ZMYM1: variants seen among roughly 807,000 people sequenced by gnomAD.
ZMYM1 encodes the protein zinc finger MYM-type protein 1.
Under a neutral mutation model 60.0 loss-of-function variants are expected in ZMYM1, and 39 were observed. The ratio of observed to expected loss-of-function variants is 0.65; its 90% CI spans 0.50 to 0.85. The LOEUF is 0.85. Ranked by LOEUF, ZMYM1 falls within the 40% of genes least tolerant of loss-of-function variation. The pLI, the probability that ZMYM1 is intolerant of heterozygous loss-of-function variation, is 0.00. For missense variants in ZMYM1, 1,171 were observed against 1,309.5 expected (o/e 0.89, Z 1.63); for synonymous variants, 413 against 454.0 (o/e 0.91, Z 1.15).
chr1:35,096,080 C>A (rs554644343), intron 3 of ZMYM1, among the ~76,000 whole-genome samples, 189 bp downstream of exon 3: 1 of 151,860 alleles, frequency 6.6e-6, no homozygotes, highest in Non-Finnish European at 1.5e-5. Flanking sequence ...TTTGGGAGGC[C>A]GAGGCAGGCG....
At chr1:35,073,912 C>CAGCCTCCCAAGT (rs1642119621) in intron 1 of ZMYM1, among the ~76,000 whole-genome samples, 1 of 152,092 alleles carries the variant, frequency 6.6e-6, no homozygotes, top group Admixed American at 6.6e-5. Flanking sequence ...TCTTCTGCCT[C>CAGCCTCCCAAGT]AGCTGGGATT....
intron 1 of ZMYM1, chr1:35,093,234 G>C (rs1484690627): frequency 6.6e-6 from 1 of 152,494 alleles, no homozygotes; most frequent in African/African-American, 2.4e-5. Context: ...TAACTGGAGG[G>C]CAGAGAGGGG....
chr1:35,095,752 G>T, intron 2 of ZMYM1, 67 bp from the exon 3 acceptor site: 1 of 1,301,808 alleles, frequency 7.7e-7, no homozygotes, highest in South Asian at 1.4e-5. Context: ...ATTTTCTGTT[G>T]AATGACTGGT....
At chr1:35,116,600 G>A (rs911846486), downstream of ZMYM1, among the ~76,000 whole-genome samples, 2 of 152,080 alleles carry the variant, frequency 1.3e-5, no homozygotes, top group African/African-American at 4.8e-5. Flanking sequence ...TGGGATGACA[G>A]GCGCACGCCA....
intron 1 of ZMYM1, among the ~76,000 whole-genome samples, chr1:35,071,058 A>T (rs72905034): frequency 0.14 from 21,055 of 151,546 alleles, 4,712 homozygotes; most frequent in African/African-American, 0.47. Context: ...CAATTTTTTT[A>T]ATATTTTTAG....
At chr1:35,081,801 T>G (rs1020272831) in intron 1 of ZMYM1, among the ~76,000 whole-genome samples, 1 of 152,150 alleles carries the variant, frequency 6.6e-6, no homozygotes, top group African/African-American at 2.4e-5. Context: ...GTTCAAGTGA[T>G]TCTCCTGTTT....
Position 35,097,481 on chromosome 1 carries a change from T to C in ZMYM1, c.334T>C (p.Phe112Leu). 2 of 1,614,198 alleles carry C rather than the reference T, an allele frequency of 1.2e-6. No homozygotes were observed. Among genetic ancestry groups the C allele is most frequent in the African/African-American group, 1.3e-5 (1 of 75,054 alleles). The change falls in exon 4 of 10, where the codon TTC becomes CTC. Residue 112 changes from phenylalanine (F) to leucine (L), a missense_variant. By Grantham distance (22) the Phe-to-Leu change is conservative. Transcript: ENST00000359858. ...AYQRKGSAQL[F>L]CSIPCITEYI... is the part of the protein sequence containing the mutation. Reference sequence around the variant, plus strand: ...TCAGAGGAAAGGATCTGCTCAACTTTTCTGCTCCATACCATGCATCACTGA... The same window carrying C: ...TCAGAGGAAAGGATCTGCTCAACTTCTCTGCTCCATACCATGCATCACTGA...
At chr1:35,076,632 A>G (rs1642171327), upstream of ZMYM1, among the ~76,000 whole-genome samples, 1 of 151,376 alleles carries the variant, frequency 6.6e-6, no homozygotes, top group Non-Finnish European at 1.5e-5. Context: ...AAAAAAAAAG[A>G]AAGGAAAACA....
intron 1 of ZMYM1, among the ~76,000 whole-genome samples, chr1:35,088,442 A>ATG (rs1161494767): frequency 3.7e-5 from 4 of 108,948 alleles, no homozygotes; most frequent in African/African-American, 1.7e-4. Flanking sequence ...GTGTATATAT[A>ATG]TATATATATA....
At position 35,114,155 on chromosome 1, in the gene ZMYM1, C is replaced by T. The variant is rs747543850; in HGVS notation, c.2325C>T (p.Phe775=). 6.2e-7 allele frequency: 1 copy of T among 1,610,328 alleles called. No individual in the cohort carries two copies. Among genetic ancestry groups the T allele is most frequent in the Non-Finnish European group, 8.5e-7 (1 of 1,179,098 alleles). Reference sequence around the variant, plus strand: ...CTCTAAAAACTCTCAGTTCTTTGTTCAACACTATTTGTATGTCTGGGGAAA... The same window carrying T: ...CTCTAAAAACTCTCAGTTCTTTGTTTAACACTATTTGTATGTCTGGGGAAA... ...RSALKTLSSL[F]NTICMSGEML... is the part of the protein sequence containing the mutation. Residue 775 remains phenylalanine, a synonymous_variant, in exon 10 of 10, where the codon TTC becomes TTT. Transcript: ENST00000359858.
At chr1:35,110,796 T>C (rs1644062222) in intron 7 of ZMYM1, among the ~76,000 whole-genome samples, 1 of 151,854 alleles carries the variant, frequency 6.6e-6, no homozygotes, top group South Asian at 2.1e-4. Context: ...TAGCTGGGCG[T>C]GTTGGTGGGT....
chr1:35,065,144 G>C (rs1315743501), intron 1 of ZMYM1, among the ~76,000 whole-genome samples: 1 of 151,882 alleles, frequency 6.6e-6, no homozygotes, highest in Non-Finnish European at 1.5e-5. Flanking sequence ...AACTGCATGG[G>C]TCCACTTTTA....
intron 4 of ZMYM1, among the ~76,000 whole-genome samples, chr1:35,101,907 C>T (rs1162111075): frequency 6.6e-6 from 1 of 151,890 alleles, no homozygotes; most frequent in African/African-American, 2.4e-5. Context: ...ACTTCTTGTA[C>T]CCTTAAAAAT....
At position 35,113,581 on chromosome 1, in the gene ZMYM1, G is replaced by A. The variant is rs1476627387; in HGVS notation, c.1751G>A (p.Gly584Asp). ...NDQSVSSVNK[G>D]NFLELLEMRA... ...CAGTCAGTTTCATCTGTGAATAAAG[G>A]CAATTTTTTAGAATTGTTAGAAATG... The change falls in exon 10 of 10, where the codon GGC (glycine) becomes GAC (aspartate). Residue 584 changes from glycine (G) to aspartate (D), a missense_variant. Gly to Asp is a moderately conservative substitution (Grantham distance 94, BLOSUM62 -1). Coordinates refer to ENST00000359858, the MANE Select transcript of ZMYM1 (RefSeq NM_024772.5). The A allele has an allele frequency of 6.2e-7, 1 of 1,613,740 alleles. No homozygotes were observed. Among genetic ancestry groups the A allele is most frequent in the Admixed American group, 1.7e-5 (1 of 59,950 alleles).
At chr1:35,091,265 T>A (rs1437467771) in intron 1 of ZMYM1, among the ~76,000 whole-genome samples, 1 of 151,988 alleles carries the variant, frequency 6.6e-6, no homozygotes, top group East Asian at 1.9e-4. Flanking sequence ...CAGGCTGGAG[T>A]GCAGTGGCGC....
chr1:35,094,164 C>T (rs372597493), intron 2 of ZMYM1, 81 bp downstream of exon 2: 1 of 1,212,492 alleles, frequency 8.2e-7, no homozygotes. Flanking sequence ...TGAAATGATT[C>T]ATTGAAAAAC....
chr1:35,085,630 A>G (rs1569884248), intron 1 of ZMYM1, among the ~76,000 whole-genome samples: 1 of 152,154 alleles, frequency 6.6e-6, no homozygotes, highest in Admixed American at 6.5e-5. Context: ...CCATGACTAC[A>G]TTCCAGCTTC....
At chr1:35,117,071 T>G (rs1644257309), downstream of ZMYM1, among the ~76,000 whole-genome samples, 1 of 150,286 alleles carries the variant, frequency 6.7e-6, no homozygotes, top group Admixed American at 6.6e-5. Flanking sequence ...GACCTCGTGA[T>G]CCGCCCGCCT....
chr1:35,080,350 T>A (rs910983344), intron 1 of ZMYM1, among the ~76,000 whole-genome samples: 1 of 147,240 alleles, frequency 6.8e-6, no homozygotes, highest in Admixed American at 7.1e-5. Flanking sequence ...TGGGTCTCGC[T>A]CTTTGGCCCA....
Sources: gnomAD v4.1 joint callset for allele counts (sites outside exome capture counted in the v4.1 genomes callset) on GRCh38, gnomAD v4.1.1 for gene constraint, MANE v1.5 for transcripts, NCBI Gene and HGNC (gene_info 2026-07-23, HGNC 2026-07-21) for gene names.